FHIT: variants seen among roughly 807,000 people sequenced by gnomAD.
FHIT encodes bis(5'-adenosyl)-triphosphatase.
A neutral mutation model predicts 17.9 loss-of-function variants in FHIT; 19 were observed. The ratio of observed to expected loss-of-function variants is 1.06; its 90% CI spans 0.74 to 1.56. The LOEUF (loss-of-function observed/expected upper bound fraction) is 1.56. Among genes scored for constraint, FHIT ranks in the 40% most tolerant of loss-of-function variants. FHIT has a pLI of 0.00. For missense variants in FHIT, 248 were observed against 189.2 expected, an observed-to-expected ratio of 1.31 and a Z score of -1.82; for synonymous variants, 81 against 69.7, an observed-to-expected ratio of 1.16 and a Z score of -0.81.
At chr3:60,054,701 C>T (rs1170877377) in intron 5 of FHIT, among the ~76,000 whole-genome samples, 2 of 152,148 alleles carry the variant, frequency 1.3e-5, no homozygotes, top group Admixed American at 1.3e-4. Flanking sequence ...ATGTTAGGTG[C>T]TGGGTTAAGC....
chr3:60,123,005 T>A (rs1000927123), intron 5 of FHIT, among the ~76,000 whole-genome samples: 5 of 152,206 alleles, frequency 3.3e-5, no homozygotes, highest in African/African-American at 1.2e-4. Flanking sequence ...CTGGTATAAT[T>A]GTGCAGTTTC....
intron 5 of FHIT, among the ~76,000 whole-genome samples, chr3:60,195,641 A>C (rs1047145374): frequency 1.4e-5 from 2 of 147,064 alleles, no homozygotes; most frequent in Non-Finnish European, 3.0e-5. Context: ...ATACATATAA[A>C]CATGATATAT....
chr3:60,555,447 G>A (rs530198847), intron 4 of FHIT, among the ~76,000 whole-genome samples: 1 of 152,226 alleles, frequency 6.6e-6, no homozygotes, highest in South Asian at 2.1e-4. Context: ...CCACCATCAT[G>A]GGTTTTACAG....
At chr3:60,309,620 T>G (rs1013505446) in intron 5 of FHIT, among the ~76,000 whole-genome samples, 1 of 152,176 alleles carries the variant, frequency 6.6e-6, no homozygotes, top group African/African-American at 2.4e-5. Context: ...AGGCTTTTTG[T>G]GAAACCCTGA....
chr3:60,651,840 C>G (rs1167650475), intron 4 of FHIT, among the ~76,000 whole-genome samples: 16 of 152,156 alleles, frequency 1.1e-4, no homozygotes, highest in Admixed American at 1.0e-3. Context: ...CAAACTCTGT[C>G]TTTAAAAATA....
chr3:59,925,181 G>A (rs1440238183), intron 7 of FHIT, among the ~76,000 whole-genome samples: 1 of 151,306 alleles, frequency 6.6e-6, no homozygotes, highest in African/African-American at 2.4e-5. Flanking sequence ...ATAGCTCACT[G>A]CAGCCTTCAA....
intron 8 of FHIT, among the ~76,000 whole-genome samples, chr3:59,769,332 C>T (rs991734214): frequency 6.6e-6 from 1 of 152,160 alleles, no homozygotes; most frequent in African/African-American, 2.4e-5. Context: ...GTCACGTGCC[C>T]TCTCTGTGCT....
At chr3:60,413,647 ACT>A (rs1702144321) in intron 5 of FHIT, among the ~76,000 whole-genome samples, 1 of 37,396 alleles carries the variant, frequency 2.7e-5, no homozygotes, top group Non-Finnish European at 5.2e-5. Flanking sequence ...ACTGCAGGGA[ACT>A]CTGTGTGTGT....
intron 8 of FHIT, among the ~76,000 whole-genome samples, chr3:59,774,056 A>T (rs1369842349): frequency 1.3e-5 from 2 of 152,234 alleles, no homozygotes; most frequent in Admixed American, 1.3e-4. Flanking sequence ...TAAAACTGAT[A>T]GTCACATGTG....
At position 59,891,675 on chromosome 3, in the gene FHIT, T is replaced by C. The variant is rs183639833; in HGVS notation, c.348+30671A>G. Among the ~76,000 whole-genome samples, 387 of 152,300 alleles carry C rather than the reference T, an allele frequency of 2.5e-3. 1 individual carries two copies. Among genetic ancestry groups the C allele is most frequent in the Non-Finnish European group, 4.2e-3 (289 of 68,024 alleles). On this transcript the variant is annotated intron_variant, in intron 8 of 9. Transcript: ENST00000492590. The stretch of plus-strand genomic sequence containing the variant: ...TGTGTCTCCCAGCAGCAGGCATACA[T>C]AGGAGTCATCTCTTCGATGGGCATT...
chr3:60,083,930 T>A (rs75534492), intron 5 of FHIT, among the ~76,000 whole-genome samples: 2,188 of 152,348 alleles, frequency 0.014, 50 homozygotes, highest in African/African-American at 0.049. Context: ...TATAGTGCTA[T>A]TAAGCTATTG....
chr3:60,222,753 T>A (rs1222067606), intron 5 of FHIT, among the ~76,000 whole-genome samples: 18 of 151,980 alleles, frequency 1.2e-4, no homozygotes, highest in Non-Finnish European at 2.9e-5. Context: ...AAATAGGACC[T>A]GCTATGGTGT....
intron 5 of FHIT, among the ~76,000 whole-genome samples, chr3:60,270,767 C>A (rs192336401): frequency 1.1e-4 from 17 of 152,062 alleles, no homozygotes; most frequent in Non-Finnish European, 2.1e-4. Context: ...AGGGATGGGG[C>A]GAAGAAGGTA....
intron 5 of FHIT, among the ~76,000 whole-genome samples, chr3:60,283,820 TA>T (rs35576259): frequency 0.26 from 38,847 of 151,488 alleles, 5,729 homozygotes; most frequent in East Asian, 0.7. Context: ...CCGAAAGAGG[TA>T]AAAAAAGGAG....
At chr3:60,472,369 AT>A (rs370195823) in intron 5 of FHIT, among the ~76,000 whole-genome samples, 2,231 of 134,476 alleles carry the variant, frequency 0.017, 20 homozygotes, top group East Asian at 0.034. Context: ...ACAATGCTGT[AT>A]TTTTTTTTTT....
chr3:59,830,777 C>G (rs1701137033), intron 8 of FHIT, among the ~76,000 whole-genome samples: 1 of 152,164 alleles, frequency 6.6e-6, no homozygotes, highest in African/African-American at 2.4e-5. Flanking sequence ...CACTGGCCCT[C>G]AAAAAGACTT....
intron 5 of FHIT, among the ~76,000 whole-genome samples, chr3:60,400,957 C>T (rs193087927): frequency 3.3e-4 from 50 of 152,062 alleles, no homozygotes; most frequent in Non-Finnish European, 6.2e-4. Flanking sequence ...AAATGTTAGG[C>T]TTAAATTCCT....
chr3:60,177,235 G>T (rs1049800760), intron 5 of FHIT, among the ~76,000 whole-genome samples: 7 of 149,494 alleles, frequency 4.7e-5, no homozygotes, highest in African/African-American at 1.2e-4. Context: ...AGGAGAGAGA[G>T]GGTCAGGGAA....
At chr3:60,117,628 T>G (rs34894656) in intron 5 of FHIT, among the ~76,000 whole-genome samples, 46,842 of 151,892 alleles carry the variant, frequency 0.31, 7,604 homozygotes, top group Non-Finnish European at 0.36. Context: ...GTGCCTTTTT[T>G]TATTAAACTT....
Sources: allele counts gnomAD v4.1 joint callset (sites outside exome capture counted in the v4.1 genomes callset), GRCh38; gene constraint gnomAD v4.1.1; transcripts MANE v1.5; gene names NCBI Gene and HGNC (gene_info 2026-07-23, HGNC 2026-07-21).